The following ARID1B variants were observed in gnomAD, a reference collection of about 807,000 sequenced individuals.
ARID1B encodes AT-rich interactive domain-containing protein 1B.
ARID1B carries 30 observed loss-of-function variants against 212.3 expected under a neutral mutation model. That is an observed-to-expected ratio of 0.14 (90% confidence interval 0.11 to 0.19). ARID1B has a LOEUF of 0.19. Ranked by LOEUF, ARID1B falls within the 10% of genes least tolerant of loss-of-function variation. ARID1B has a pLI of 1.00. For missense variants in ARID1B, 2,891 were observed against 3,204.0 expected, an observed-to-expected ratio of 0.90 and a Z score of 2.36; for synonymous variants, 1,402 against 1,301.7, an observed-to-expected ratio of 1.08 and a Z score of -1.66.
intron 4 of ARID1B, among the ~76,000 whole-genome samples, chr6:156,993,895 A>G (rs1291066373): frequency 2.0e-5 from 3 of 152,236 alleles, no homozygotes; most frequent in Non-Finnish European, 2.9e-5. Flanking sequence ...ATATATGTCT[A>G]TCAAACATTT....
In ARID1B at chr6:156,815,473, C is replaced by G. The variant is rs563282317; in HGVS notation, c.1792-13754C>G. Reference sequence around the variant, plus strand: ...TTTAGTTTTCCTCCTTTCTCCCTTTCTCCCCACACCCATTTTTAAAATAAC... The same window carrying G: ...TTTAGTTTTCCTCCTTTCTCCCTTTGTCCCCACACCCATTTTTAAAATAAC... On this transcript the variant is annotated intron_variant, in intron 1 of 19. Transcript: ENST00000636930. Among the ~76,000 whole-genome samples, 6 of 152,236 alleles carry G rather than the reference C, an allele frequency of 3.9e-5. No individual in the cohort carries two copies. In the South Asian group the frequency reaches 1.0e-3, roughly 26 times the overall value.
At chr6:156,951,604 C>A (rs1793596378) in intron 4 of ARID1B, among the ~76,000 whole-genome samples, 1 of 151,970 alleles carries the variant, frequency 6.6e-6, no homozygotes, top group Non-Finnish European at 1.5e-5. Context: ...CCACCACGCC[C>A]AACTAATTTT....
chr6:156,787,818 A>G (rs536582032), intron 1 of ARID1B, among the ~76,000 whole-genome samples: 36 of 152,230 alleles, frequency 2.4e-4, no homozygotes, highest in African/African-American at 8.7e-4. Flanking sequence ...ATCCTGACAC[A>G]ATGGTAAGAT....
chr6:157,204,145 A>G (rs1356789108), intron 19 of ARID1B, 149 bp downstream of exon 19: 13 of 977,364 alleles, frequency 1.3e-5, no homozygotes, highest in Non-Finnish European at 2.0e-5. Flanking sequence ...GCCTTAATCA[A>G]TGTAGAGTTA....
intron 6 of ARID1B, among the ~76,000 whole-genome samples, chr6:157,112,196 G>A (rs1335229643): frequency 6.6e-6 from 1 of 152,182 alleles, no homozygotes; most frequent in Non-Finnish European, 1.5e-5. Context: ...ATGTGGATTT[G>A]TTTCCCTAAA....
chr6:157,186,541 C>G (rs938712972), intron 13 of ARID1B: 5 of 470,974 alleles, frequency 1.1e-5, no homozygotes, highest in African/African-American at 1.0e-4. Context: ...CAGGTGGCCT[C>G]TCCGATTCCA....
chr6:157,203,943 A>G lies in ARID1B; in HGVS notation c.5341A>G (p.Ile1781Val), dbSNP rs1484341574. ...LAESTWALDT[I>V]NILLYDDSTV... ...TGAGAGTACGTGGGCTTTGGACACT[A>G]TTAATATTCTTCTGTATGATGACAG... The change falls in exon 19 of 20, where the codon ATT becomes GTT. Residue 1781 changes from isoleucine to valine, a missense_variant. Transcript: ENST00000636930. The surrounding 1 kb of genome is among the most constrained non-coding windows in gnomAD (Gnocchi z 4.4). 3 of 1,614,170 alleles carry G rather than the reference A, an allele frequency of 1.9e-6. No homozygotes were observed. The highest frequency in any genetic ancestry group is 2.5e-6 in the Non-Finnish European group (3 of 1,180,014).
At chr6:157,135,288 A>G (rs1403185044) in intron 7 of ARID1B, among the ~76,000 whole-genome samples, 1 of 152,172 alleles carries the variant, frequency 6.6e-6, no homozygotes, top group Non-Finnish European at 1.5e-5. Context: ...TTCCACTTCT[A>G]ATGTTCTACG....
intron 2 of ARID1B, among the ~76,000 whole-genome samples, chr6:156,884,666 GGATTATTAGGCTACCACTA>G (rs1430979317): frequency 6.6e-6 from 1 of 152,218 alleles, no homozygotes; most frequent in Non-Finnish European, 1.5e-5. Context: ...CATGTTTCTA[GGATTATTAGGCTACCACTA>G]GTTTGGGGAG....
At chr6:156,916,994 G>A (rs899637549) in intron 3 of ARID1B, among the ~76,000 whole-genome samples, 4 of 152,160 alleles carry the variant, frequency 2.6e-5, no homozygotes, top group Admixed American at 2.0e-4. Context: ...TCTTCTGCTG[G>A]TCTGGAACAG....
chr6:157,118,915 T>C (rs1787514205), intron 6 of ARID1B, among the ~76,000 whole-genome samples: 1 of 152,258 alleles, frequency 6.6e-6, no homozygotes, highest in Non-Finnish European at 1.5e-5. Context: ...AAAGTGGGCT[T>C]TTAATACTTA....
chr6:157,126,602 C>T (rs575256556), intron 6 of ARID1B, among the ~76,000 whole-genome samples: 10 of 152,102 alleles, frequency 6.6e-5, no homozygotes, highest in Admixed American at 3.3e-4. Context: ...ATTTATGTTA[C>T]GGATGAATAT....
chr6:156,992,623 C>G (rs1209919529), intron 4 of ARID1B, among the ~76,000 whole-genome samples: 1 of 152,190 alleles, frequency 6.6e-6, no homozygotes, highest in Admixed American at 6.5e-5. Context: ...GTATTCAGAA[C>G]GGCCTCCCAT....
intron 2 of ARID1B, among the ~76,000 whole-genome samples, chr6:156,856,732 A>T (rs1223563215): frequency 2.1e-5 from 3 of 140,828 alleles, no homozygotes. Context: ...ACACACACAC[A>T]CACACACACA....
chr6:156,933,448 A>C (rs1791917671), intron 3 of ARID1B, among the ~76,000 whole-genome samples: 1 of 152,232 alleles, frequency 6.6e-6, no homozygotes, highest in Non-Finnish European at 1.5e-5. Flanking sequence ...CAGGGCACCC[A>C]GCGGGAAGTC....
chr6:157,166,878 T>C, intron 8 of ARID1B, 162 bp from the exon 9 acceptor site: 5 of 954,732 alleles, frequency 5.2e-6, no homozygotes, highest in Non-Finnish European at 7.6e-6. Flanking sequence ...TACCTAGCAA[T>C]AGAATTCAGC....
chr6:156,807,604 A>C (rs912420816), intron 1 of ARID1B, among the ~76,000 whole-genome samples: 1 of 152,178 alleles, frequency 6.6e-6, no homozygotes, highest in African/African-American at 2.4e-5. Flanking sequence ...CTTAAGTTAA[A>C]TGTGTCTTTT....
intron 17 of ARID1B, among the ~76,000 whole-genome samples, chr6:157,199,487 G>C (rs912898779): frequency 2.0e-5 from 3 of 151,824 alleles, no homozygotes; most frequent in Non-Finnish European, 4.4e-5. Flanking sequence ...GCCCTTCGTG[G>C]TGTGGCTTTC....
At chr6:157,013,219 T>C (rs1779716693) in intron 4 of ARID1B, among the ~76,000 whole-genome samples, 1 of 152,230 alleles carries the variant, frequency 6.6e-6, no homozygotes, top group Admixed American at 6.5e-5. Context: ...GCTCTAGTGC[T>C]GCCTAAGGCA....
Sources: gnomAD v4.1 joint callset for allele counts (sites outside exome capture counted in the v4.1 genomes callset) on GRCh38, gnomAD v4.1.1 for gene constraint, Gnocchi (gnomAD v3.1) non-coding constraint, MANE v1.5 for transcripts, NCBI Gene and HGNC (gene_info 2026-07-23, HGNC 2026-07-21) for gene names.